RIDA: variants seen among roughly 807,000 people sequenced by gnomAD.
The protein encoded by RIDA is reactive intermediate imine deaminase A.
In RIDA, 17 loss-of-function variants were observed where a neutral mutation model predicts 17.8. The observed-to-expected ratio is 0.96, with a 90% confidence interval of 0.65 to 1.43. The LOEUF is 1.43. RIDA is among the 40% of genes most tolerant of loss of function. The probability of loss-of-function intolerance (pLI) is 0.00; values close to 1 mark genes in which losing one functional copy is unlikely to be tolerated. For missense variants in RIDA, 158 were observed against 161.7 expected (o/e 0.98, Z 0.12); for synonymous variants, 48 against 55.7 (o/e 0.86, Z 0.62).
chr8:98,107,776 A>AC (rs367954202), intron 2 of RIDA, among the ~76,000 whole-genome samples: 2 of 148,688 alleles, frequency 1.3e-5, no homozygotes, highest in Non-Finnish European at 3.0e-5. Flanking sequence ...TTTTTTTTCT[A>AC]TTTTTTTTTT....
At chr8:98,106,078 G>T in intron 3 of RIDA, 72 bp from the exon 4 acceptor site, 1 of 1,194,608 alleles carries the variant, frequency 8.4e-7, no homozygotes, top group Non-Finnish European at 1.2e-6. Flanking sequence ...GAAAAAGAGT[G>T]TATGAATCTG....
chr8:98,109,067 A>G (rs1475028653), intron 1 of RIDA, among the ~76,000 whole-genome samples: 2 of 151,962 alleles, frequency 1.3e-5, no homozygotes, highest in African/African-American at 4.8e-5. Context: ...GGTGACGCAC[A>G]CCCGTAGTCC....
chr8:98,107,564 C>G (rs1286880470), intron 2 of RIDA, among the ~76,000 whole-genome samples: 1 of 152,118 alleles, frequency 6.6e-6, no homozygotes, highest in Non-Finnish European at 1.5e-5. Context: ...CATTATATGA[C>G]TCAGTAAATG....
intron 1 of RIDA, among the ~76,000 whole-genome samples, chr8:98,113,283 A>G (rs945360307): frequency 6.6e-6 from 1 of 152,202 alleles, no homozygotes; most frequent in Non-Finnish European, 1.5e-5. Flanking sequence ...CATCCATCCC[A>G]ATGCCAGGGA....
At chr8:98,114,995 G>A (rs1052964567) in intron 1 of RIDA, among the ~76,000 whole-genome samples, 1 of 151,922 alleles carries the variant, frequency 6.6e-6, no homozygotes, top group East Asian at 1.9e-4. Flanking sequence ...CTTTTTAGTG[G>A]TGTAACTTTT....
chr8:98,112,308 G>C (rs1412639322), intron 1 of RIDA, among the ~76,000 whole-genome samples: 1 of 151,890 alleles, frequency 6.6e-6, no homozygotes, highest in African/African-American at 2.4e-5. Context: ...ACAGGATCCT[G>C]CCTCGTGTTG....
intron 1 of RIDA, among the ~76,000 whole-genome samples, chr8:98,110,647 A>G (rs1021899421): frequency 1.3e-5 from 2 of 152,244 alleles, no homozygotes; most frequent in South Asian, 2.1e-4. Context: ...TTTTAAAAAC[A>G]TAAGTAGTCA....
At chr8:98,112,838 A>G (rs1815746809) in intron 1 of RIDA, among the ~76,000 whole-genome samples, 1 of 152,242 alleles carries the variant, frequency 6.6e-6, no homozygotes, top group South Asian at 2.1e-4. Context: ...ATTATTTATC[A>G]GAAACTTCAT....
chr8:98,112,292 C>G (rs910580296), intron 1 of RIDA, among the ~76,000 whole-genome samples: 2 of 151,854 alleles, frequency 1.3e-5, no homozygotes, highest in Non-Finnish European at 1.5e-5. Flanking sequence ...CTTCCTTATA[C>G]TATGTACAGG....
At chr8:98,105,359 CA>C in intron 4 of RIDA, among the ~76,000 whole-genome samples, 1 of 152,226 alleles carries the variant, frequency 6.6e-6, no homozygotes, top group East Asian at 1.9e-4. Context: ...TGCCTCATCC[CA>C]TTAGGTGTTG....
At chr8:98,108,491 T>A (rs578072200) in intron 2 of RIDA, among the ~76,000 whole-genome samples, 155 bp downstream of exon 2, 188 of 152,252 alleles carry the variant, frequency 1.2e-3, no homozygotes, top group African/African-American at 4.5e-3. Flanking sequence ...TTTCCAACTC[T>A]TAGATCAAAA....
At chr8:98,104,574 T>C in intron 4 of RIDA, 30 bp from the exon 5 acceptor site, 3 of 1,265,742 alleles carry the variant, frequency 2.4e-6, no homozygotes, top group African/African-American at 1.5e-5. Flanking sequence ...ATTTTTTTAA[T>C]AGAGAAGAGT....
chr8:98,105,243 C>T (rs1006683897), intron 4 of RIDA, among the ~76,000 whole-genome samples: 1 of 151,886 alleles, frequency 6.6e-6, no homozygotes, highest in African/African-American at 2.4e-5. Context: ...GGAACAAGTG[C>T]CCATCTCCAG....
chr8:98,109,061 A>G (rs1021143146), intron 1 of RIDA, among the ~76,000 whole-genome samples: 16 of 152,130 alleles, frequency 1.1e-4, no homozygotes, highest in African/African-American at 3.9e-4. Flanking sequence ...AAGTATGGTG[A>G]CGCACACCCG....
intron 1 of RIDA, among the ~76,000 whole-genome samples, chr8:98,114,185 T>C (rs1815768141): frequency 6.6e-6 from 1 of 152,084 alleles, no homozygotes; most frequent in Admixed American, 6.6e-5. Context: ...AAACACTGTC[T>C]CAATATACAC....
intron 1 of RIDA, among the ~76,000 whole-genome samples, chr8:98,112,274 G>T (rs970448434): frequency 1.3e-5 from 2 of 151,194 alleles, no homozygotes; most frequent in African/African-American, 4.9e-5. Context: ...GGAGTGCTTT[G>T]GTTGTATCTT....
rs1304935688 is a variant in RIDA at position 98,117,155 on chromosome 8, T to G, written c.-59A>C. The G allele has an allele frequency of 1.3e-6, 2 of 1,533,050 alleles. No individual in the cohort carries two copies. Among genetic ancestry groups the G allele is most frequent in the Non-Finnish European group, 9.0e-7 (1 of 1,106,144 alleles). 95.0% of individuals were successfully genotyped at this position (1,533,050 alleles called of 1,614,324 possible). A position where few individuals can be genotyped will look rare whatever the true frequency, so the allele number is the denominator to read the frequency against. ...GAAGAAGCCCCAGCACCAGCCCTGC[T>G]GGCTTCTTACTGGACTGACCAACCA... On this transcript the variant is annotated 5_prime_UTR_variant, in exon 1 of 6. Transcript: ENST00000254878.
At chr8:98,106,189 G>T in intron 3 of RIDA, 83 bp downstream of exon 3, 3 of 1,298,064 alleles carry the variant, frequency 2.3e-6, no homozygotes, top group Admixed American at 1.8e-5. Context: ...GATATGGCAC[G>T]GCATCTTACT....
In RIDA at chr8:98,108,166, C is replaced by T. The variant is rs148913205; in HGVS notation, c.171+480G>A. ...CTGACCTCAAGTGATCTGCCAGCCT[C>T]GGCCTCCCAAAGTGCTAGGATTACA... On this transcript the variant is annotated intron_variant, in intron 2 of 5. Coordinates refer to ENST00000254878, the MANE Select transcript of RIDA (RefSeq NM_005836.3). Among the ~76,000 whole-genome samples, 61 of 152,290 alleles carry T rather than the reference C, an allele frequency of 4.0e-4. No homozygotes were observed. In the East Asian group the frequency reaches 4.1e-3, roughly 10 times the overall value.
Sources: gnomAD v4.1 joint callset for allele counts (sites outside exome capture counted in the v4.1 genomes callset) on GRCh38, gnomAD v4.1.1 for gene constraint, MANE v1.5 for transcripts, NCBI Gene and HGNC (gene_info 2026-07-23, HGNC 2026-07-21) for gene names.